The following PCDHA10 variants were observed in gnomAD, a reference collection of about 807,000 sequenced individuals.
PCDHA10 encodes the protein protocadherin alpha-10.
Under a neutral mutation model 61.2 loss-of-function variants are expected in PCDHA10, and 45 were observed. The observed-to-expected ratio is 0.74, with a 90% CI of 0.58 to 0.94. The LOEUF is 0.94. Among genes scored for constraint, PCDHA10 ranks in the 40% least tolerant of loss-of-function variants. PCDHA10 has a pLI of 0.00. For synonymous variants in PCDHA10, 602 were observed against 548.8 expected, an observed-to-expected ratio of 1.10 and a Z score of -1.35; for missense variants, 1,278 against 1,236.2, an observed-to-expected ratio of 1.03 and a Z score of -0.51.
intron 2 of PCDHA10, among the ~76,000 whole-genome samples, chr5:140,979,312 C>G (rs1419194517): frequency 1.3e-5 from 2 of 152,166 alleles, no homozygotes; most frequent in Admixed American, 6.5e-5. Flanking sequence ...CCCTCTCTAC[C>G]TATGCTTTCT....
chr5:140,920,847 A>G (rs1410435400), intron 1 of PCDHA10, among the ~76,000 whole-genome samples: 1 of 152,028 alleles, frequency 6.6e-6, no homozygotes, highest in Non-Finnish European at 1.5e-5. Flanking sequence ...AATCTAAAAA[A>G]AAAAAAAAAA....
At chr5:140,977,703 A>G (rs1407162368) in intron 1 of PCDHA10, among the ~76,000 whole-genome samples, 1 of 152,192 alleles carries the variant, frequency 6.6e-6, no homozygotes, top group Non-Finnish European at 1.5e-5. Context: ...ATCTGTCTGA[A>G]TATTGAGATG....
intron 1 of PCDHA10, among the ~76,000 whole-genome samples, chr5:140,886,682 G>A (rs181377286): frequency 6.6e-6 from 1 of 151,618 alleles, no homozygotes. Context: ...AAAAATTAGC[G>A]AGGCATGGTG....
intron 1 of PCDHA10, chr5:140,882,202 T>A: frequency 2.0e-6 from 3 of 1,529,778 alleles, no homozygotes; most frequent in Non-Finnish European, 2.6e-6. Context: ...AAATTGGGCC[T>A]TGAGAGACAG....
At chr5:140,972,750 G>A (rs2096554223) in intron 1 of PCDHA10, among the ~76,000 whole-genome samples, 2 of 143,042 alleles carry the variant, frequency 1.4e-5, no homozygotes, top group South Asian at 2.2e-4. Context: ...TGCAACCTCC[G>A]CCTCCCAAGT....
At chr5:140,867,409 T>C (rs1299874634) in intron 1 of PCDHA10, 1 of 152,170 alleles carries the variant, frequency 6.6e-6, no homozygotes, top group Admixed American at 6.5e-5. Context: ...ATGTCTCCTT[T>C]AATTTTTTAA....
intron 1 of PCDHA10, among the ~76,000 whole-genome samples, chr5:140,961,356 CA>C (rs1164957121): frequency 1.3e-5 from 2 of 152,168 alleles, no homozygotes; most frequent in Non-Finnish European, 2.9e-5. Context: ...CTGTAGTCCC[CA>C]TTAGAATTCT....
At chr5:140,891,025 T>G (rs1554184622) in intron 1 of PCDHA10, among the ~76,000 whole-genome samples, 1 of 151,814 alleles carries the variant, frequency 6.6e-6, no homozygotes, top group African/African-American at 2.4e-5. Flanking sequence ...TCTGAGGGTA[T>G]AATCTTAGGT....
rs782641512 is a variant in PCDHA10 at position 140,857,970 on chromosome 5, C to T, written c.1922C>T (p.Ser641Leu). The T allele has an allele frequency of 1.9e-5, 30 of 1,596,836 alleles. 3 individuals are homozygous for T. The highest frequency in any genetic ancestry group is 1.1e-4 in the African/African-American group (8 of 74,204). ...STTRALDETD[S>L]PRQRLLVLVK... ...ACGCGCGCTCTGGATGAGACTGACT[C>T]GCCACGCCAGCGCCTACTGGTGCTG... The change falls in exon 1 of 4, where the codon TCG (serine) becomes TTG (leucine). Residue 641 changes from serine to leucine, a missense_variant. Coordinates refer to ENST00000307360, the MANE Select transcript of PCDHA10 (RefSeq NM_018901.4).
intron 1 of PCDHA10, among the ~76,000 whole-genome samples, chr5:140,910,407 C>T (rs781871391): frequency 6.6e-6 from 1 of 152,134 alleles, no homozygotes; most frequent in Non-Finnish European, 1.5e-5. Context: ...CCTGCCACCT[C>T]GAGATCCAAT....
intron 1 of PCDHA10, among the ~76,000 whole-genome samples, chr5:140,886,252 C>G (rs1368508838): frequency 6.6e-6 from 1 of 151,858 alleles, no homozygotes; most frequent in Non-Finnish European, 1.5e-5. Flanking sequence ...ATAAAAGTAT[C>G]TCTATTTATA....
At chr5:140,906,891 T>C (rs2073026399) in intron 1 of PCDHA10, among the ~76,000 whole-genome samples, 1 of 152,152 alleles carries the variant, frequency 6.6e-6, no homozygotes, top group South Asian at 2.1e-4. Context: ...CCTTCTTAGA[T>C]TGTTGGTTTA....
At chr5:140,870,277 G>T (rs367959983) in intron 1 of PCDHA10, 4 of 1,614,168 alleles carry the variant, frequency 2.5e-6, no homozygotes, top group Non-Finnish European at 3.4e-6. Context: ...GACGCCCCAC[G>T]TTCCCTTCAA....
intron 1 of PCDHA10, among the ~76,000 whole-genome samples, chr5:140,924,394 T>A (rs973977224): frequency 2.0e-5 from 3 of 152,176 alleles, no homozygotes; most frequent in Admixed American, 2.0e-4. Context: ...CTACTTATAT[T>A]GCCTTATATC....
chr5:140,869,840 A>G (rs782569950), intron 1 of PCDHA10: 32 of 1,611,616 alleles, frequency 2.0e-5, no homozygotes, highest in Non-Finnish European at 2.6e-5. Context: ...GATAAATCAG[A>G]ATATAAGGTG....
intron 1 of PCDHA10, among the ~76,000 whole-genome samples, chr5:140,894,202 A>G (rs1554185980): frequency 6.6e-6 from 1 of 152,034 alleles, no homozygotes. Context: ...TTTCTATGCT[A>G]TTATATTCTC....
intron 1 of PCDHA10, chr5:140,877,038 G>T (rs782221827): frequency 2.5e-6 from 4 of 1,612,418 alleles, no homozygotes; most frequent in East Asian, 2.2e-5. Flanking sequence ...CGCTGCAGCC[G>T]CTAGACCACG....
intron 3 of PCDHA10, among the ~76,000 whole-genome samples, chr5:140,995,476 A>G (rs2097685199): frequency 6.6e-6 from 1 of 152,210 alleles, no homozygotes; most frequent in Non-Finnish European, 1.5e-5. Flanking sequence ...TTTTTCATTT[A>G]ATATTTTCAG....
At chr5:140,908,422 C>T (rs1403455941) in intron 1 of PCDHA10, among the ~76,000 whole-genome samples, 1 of 152,176 alleles carries the variant, frequency 6.6e-6, no homozygotes, top group Non-Finnish European at 1.5e-5. Context: ...TGATGGAATG[C>T]TGCTGTGCGC....
Sources: gnomAD v4.1 joint callset for allele counts (sites outside exome capture counted in the v4.1 genomes callset) on GRCh38, gnomAD v4.1.1 for gene constraint, MANE v1.5 for transcripts, NCBI Gene and HGNC (gene_info 2026-07-23, HGNC 2026-07-21) for gene names.